The following UBASH3A variants were observed in gnomAD, a reference collection of about 807,000 sequenced individuals.
UBASH3A encodes ubiquitin-associated and SH3 domain-containing protein A.
UBASH3A carries 63 observed loss-of-function variants against 73.5 expected under a neutral mutation model. The observed-to-expected ratio is 0.86, with a 90% CI of 0.70 to 1.06. UBASH3A has a LOEUF of 1.06. UBASH3A is among the 50% of genes least tolerant of loss of function. The pLI, the probability that UBASH3A is intolerant of heterozygous loss-of-function variation, is 0.00. For synonymous variants in UBASH3A, 363 were observed against 351.1 expected (o/e 1.03, Z -0.38); for missense variants, 860 against 859.0 (o/e 1.00, Z -0.02).
At chr21:42,442,376 T>C in intron 11 of UBASH3A, 76 bp from the exon 12 acceptor site, 1 of 1,461,412 alleles carries the variant, frequency 6.8e-7, no homozygotes, top group Non-Finnish European at 9.5e-7. Flanking sequence ...CGGTCTGAGA[T>C]CTAAAAGGAG....
In UBASH3A at chr21:42,418,472, C is replaced by G. The variant is rs371391343; in HGVS notation, c.909C>G (p.Ile303Met). ...DELTLSPGDY[I>M]FVDPTQQDEA... The stretch of plus-strand genomic sequence containing the variant: ...TGACGCTAAGTCCTGGTGACTACAT[C>G]TTTGTGGACCCCACGCAGCAGGACG... The change falls in exon 7 of 15, where the codon ATC (isoleucine) becomes ATG (methionine). Residue 303 changes from isoleucine to methionine, a missense_variant. Transcript: ENST00000319294. 62 of 1,614,262 alleles carry G rather than the reference C, an allele frequency of 3.8e-5. No individual in the cohort carries two copies. The African/African-American group carries it at 8.0e-4, about 21-fold the overall frequency.
At position 42,416,566 on chromosome 21, in the gene UBASH3A, G is replaced by C; in HGVS notation, c.792G>C (p.Trp264Cys). 4.4e-6 allele frequency: 7 copies of C among 1,609,018 alleles called. No individual in the cohort carries two copies. The highest frequency in any genetic ancestry group is 5.9e-6 in the Non-Finnish European group (7 of 1,177,920). Reference sequence around the variant, plus strand: ...TCCCCCTGGGCCACAGCTGCCAGTGGACCGCAGCACTCTACTCCCGAGACA... The same window carrying C: ...TCCCCCTGGGCCACAGCTGCCAGTGCACCGCAGCACTCTACTCCCGAGACA... ...RAIPLGHSCQ[W>C]TAALYSRDMR... is the part of the protein sequence containing the mutation. The change falls in exon 6 of 15, where the codon TGG becomes TGC. Residue 264 changes from tryptophan (W) to cysteine (C), a missense_variant. Transcript: ENST00000319294.
chr21:42,437,462 T>A (rs1568936354), intron 10 of UBASH3A, 26 bp from the exon 11 acceptor site: 1 of 1,605,304 alleles, frequency 6.2e-7, no homozygotes, highest in Non-Finnish European at 8.5e-7. Flanking sequence ...GAAGGGGCAT[T>A]TTCTGCCTTT....
At chr21:42,426,890 G>T in intron 8 of UBASH3A, 70 bp downstream of exon 8, 1 of 1,559,290 alleles carries the variant, frequency 6.4e-7, no homozygotes, top group Non-Finnish European at 8.7e-7. Context: ...ACTTCACGGT[G>T]GACACAGCTT....
intron 1 of UBASH3A, among the ~76,000 whole-genome samples, chr21:42,404,843 C>G (rs960475862): frequency 6.6e-6 from 1 of 152,158 alleles, no homozygotes; most frequent in Non-Finnish European, 1.5e-5. Flanking sequence ...AGGGAAAGGC[C>G]TGCATGTGGA....
At chr21:42,426,931 T>A (rs2053446037) in intron 8 of UBASH3A, 111 bp downstream of exon 8, 6 of 1,373,048 alleles carry the variant, frequency 4.4e-6, no homozygotes, top group Non-Finnish European at 5.0e-6. Flanking sequence ...CATAGACACA[T>A]CCTCCCTGCC....
chr21:42,433,073 C>T (rs998166112), intron 9 of UBASH3A, among the ~76,000 whole-genome samples: 1 of 152,072 alleles, frequency 6.6e-6, no homozygotes, highest in Non-Finnish European at 1.5e-5. Flanking sequence ...AAACAATCAA[C>T]ACCAAAAATA....
At chr21:42,430,689 T>G in intron 8 of UBASH3A, among the ~76,000 whole-genome samples, 1 of 152,200 alleles carries the variant, frequency 6.6e-6, no homozygotes, top group East Asian at 1.9e-4. Context: ...TCTCTGTTAA[T>G]GACTCATCTT....
At chr21:42,417,152 G>A (rs1294760491) in intron 6 of UBASH3A, among the ~76,000 whole-genome samples, 2 of 152,114 alleles carry the variant, frequency 1.3e-5, no homozygotes, top group Non-Finnish European at 2.9e-5. Context: ...GCTGGGTGTG[G>A]TGGCTCACAC....
chr21:42,426,885 A>G, intron 8 of UBASH3A, 65 bp downstream of exon 8: 1 of 1,567,892 alleles, frequency 6.4e-7, no homozygotes, highest in Non-Finnish European at 8.7e-7. Flanking sequence ...TATTAACTTC[A>G]CGGTGGACAC....
chr21:42,431,268 G>T (rs1475156956), intron 8 of UBASH3A, among the ~76,000 whole-genome samples: 1 of 152,234 alleles, frequency 6.6e-6, no homozygotes, highest in African/African-American at 2.4e-5. Context: ...CACAGTGGAG[G>T]CCCCTCCCAA....
At chr21:42,444,305 G>A (rs2053808216) in intron 13 of UBASH3A, among the ~76,000 whole-genome samples, 1 of 152,244 alleles carries the variant, frequency 6.6e-6, no homozygotes, top group South Asian at 2.1e-4. Flanking sequence ...CACTTCCTAG[G>A]CCTCCCTGAG....
At chr21:42,428,077 A>T (rs114130411) in intron 8 of UBASH3A, among the ~76,000 whole-genome samples, 5,184 of 152,250 alleles carry the variant, frequency 0.034, 98 homozygotes, top group Non-Finnish European at 0.04. Flanking sequence ...AAACAGACAC[A>T]CAAGAGGGAT....
intron 5 of UBASH3A, among the ~76,000 whole-genome samples, chr21:42,416,093 G>A (rs1016125922): frequency 4.6e-5 from 7 of 152,264 alleles, no homozygotes; most frequent in East Asian, 3.9e-4. Context: ...ACAAAAAGCC[G>A]TTGAACTGGA....
At chr21:42,426,025 T>C (rs965836180) in intron 7 of UBASH3A, among the ~76,000 whole-genome samples, 33 of 151,740 alleles carry the variant, frequency 2.2e-4, no homozygotes, top group African/African-American at 7.5e-4. Flanking sequence ...GTTGAAGGAA[T>C]TGGTTCAAGA....
At chr21:42,433,208 C>T (rs985152191) in intron 9 of UBASH3A, among the ~76,000 whole-genome samples, 3 of 152,214 alleles carry the variant, frequency 2.0e-5, no homozygotes, top group Non-Finnish European at 4.4e-5. Flanking sequence ...CCTGGTGGAT[C>T]TTTTCCCAAG....
intron 8 of UBASH3A, among the ~76,000 whole-genome samples, chr21:42,428,606 G>C (rs1265234008): frequency 6.6e-6 from 1 of 152,038 alleles, no homozygotes; most frequent in Non-Finnish European, 1.5e-5. Flanking sequence ...ACTCAGCCTA[G>C]TGACTTAAAT....
chr21:42,420,856 G>A (rs1220170321), intron 7 of UBASH3A, among the ~76,000 whole-genome samples: 1 of 152,202 alleles, frequency 6.6e-6, no homozygotes, highest in Non-Finnish European at 1.5e-5. Flanking sequence ...ACTGATTAGG[G>A]GTTCTAGTCA....
chr21:42,442,739 G>T, intron 12 of UBASH3A, 143 bp downstream of exon 12: 2 of 876,466 alleles, frequency 2.3e-6, no homozygotes, highest in Non-Finnish European at 3.4e-6. Flanking sequence ...GAGAGAGGTG[G>T]GGCTCAACTC....
Sources: gnomAD v4.1 joint callset for allele counts (sites outside exome capture counted in the v4.1 genomes callset) on GRCh38, gnomAD v4.1.1 for gene constraint, MANE v1.5 for transcripts, NCBI Gene and HGNC (gene_info 2026-07-23, HGNC 2026-07-21) for gene names.